The following QTMAN variants were observed in gnomAD, a reference collection of about 807,000 sequenced individuals.
The protein encoded by QTMAN is tRNA-queuosine alpha-mannosyltransferase.
the QTMAN span, among the ~76,000 whole-genome samples, chr2:144,224,656 C>T: frequency 4.6e-5 from 7 of 151,872 alleles, no homozygotes; most frequent in Non-Finnish European, 1.0e-4. Flanking sequence ...GAAGAAGGGG[C>T]GAGGGGATTG....
At chr2:144,002,078 C>A in the QTMAN span, among the ~76,000 whole-genome samples, 1 of 151,874 alleles carries the variant, frequency 6.6e-6, no homozygotes, top group Non-Finnish European at 1.5e-5. Flanking sequence ...CCTGATAGTG[C>A]AAGAACAATG....
At chr2:144,290,187 G>C in the QTMAN span, among the ~76,000 whole-genome samples, 2 of 151,856 alleles carry the variant, frequency 1.3e-5, no homozygotes, top group African/African-American at 4.8e-5. Context: ...TTCTGGCTGG[G>C]GGCTAAGGGG....
At chr2:144,235,371 A>G in the QTMAN span, among the ~76,000 whole-genome samples, 881 of 152,280 alleles carry the variant, frequency 5.8e-3, 5 homozygotes, top group Non-Finnish European at 6.4e-3. Context: ...GCTGACAACC[A>G]AGGAACAATA....
the QTMAN span, among the ~76,000 whole-genome samples, chr2:144,270,117 AG>A: frequency 6.6e-6 from 1 of 152,320 alleles, no homozygotes; most frequent in Admixed American, 6.5e-5. Context: ...ATGTCTATAT[AG>A]TAAAATGTTG....
chr2:144,053,367 AG>A, the QTMAN span, among the ~76,000 whole-genome samples: 1 of 152,234 alleles, frequency 6.6e-6, no homozygotes, highest in Non-Finnish European at 1.5e-5. Flanking sequence ...TTATCTGCAA[AG>A]GGGTAGAGGA....
the QTMAN span, among the ~76,000 whole-genome samples, chr2:144,150,671 T>C: frequency 4.6e-5 from 7 of 152,212 alleles, no homozygotes; most frequent in East Asian, 9.7e-4. Flanking sequence ...GATAACCTAA[T>C]TTCCATGTTC....
chr2:144,298,509 TA>T, the QTMAN span, among the ~76,000 whole-genome samples: 1 of 152,164 alleles, frequency 6.6e-6, no homozygotes, highest in Non-Finnish European at 1.5e-5. Flanking sequence ...CTTGAAATTT[TA>T]CAAAATAAAA....
chr2:144,194,588 C>T, the QTMAN span, among the ~76,000 whole-genome samples: 1 of 152,142 alleles, frequency 6.6e-6, no homozygotes, highest in Non-Finnish European at 1.5e-5. Flanking sequence ...ACAAATACAT[C>T]AGTCGGTAAG....
the QTMAN span, among the ~76,000 whole-genome samples, chr2:144,004,972 AG>A: frequency 2.6e-5 from 4 of 152,042 alleles, no homozygotes; most frequent in Non-Finnish European, 5.9e-5. Context: ...TCTCCAGGCT[AG>A]CAGTGACAGA....
the QTMAN span, among the ~76,000 whole-genome samples, chr2:144,107,340 C>A: frequency 6.6e-6 from 1 of 151,932 alleles, no homozygotes; most frequent in Non-Finnish European, 1.5e-5. Context: ...AAAACATCAA[C>A]AAAATTGATA....
At chr2:144,212,945 A>C in the QTMAN span, among the ~76,000 whole-genome samples, 6 of 152,324 alleles carry the variant, frequency 3.9e-5, no homozygotes, top group East Asian at 1.2e-3. Flanking sequence ...ACCACTTCAA[A>C]TTCTATTTAA....
chr2:143,965,352 G>T, the QTMAN span, among the ~76,000 whole-genome samples: 1 of 152,134 alleles, frequency 6.6e-6, no homozygotes, highest in African/African-American at 2.4e-5. Context: ...AATAAAATCT[G>T]CATAGTAGTT....
chr2:143,986,136 C>T, the QTMAN span, among the ~76,000 whole-genome samples: 1 of 152,056 alleles, frequency 6.6e-6, no homozygotes, highest in Non-Finnish European at 1.5e-5. Context: ...GCCAGGCAGA[C>T]CAATTTTATA....
the QTMAN span, among the ~76,000 whole-genome samples, chr2:143,992,484 T>G: frequency 1.3e-5 from 2 of 150,294 alleles, no homozygotes; most frequent in South Asian, 4.3e-4. Flanking sequence ...TATTGTCCTA[T>G]GACCCTGCCA....
At chr2:144,128,042 A>C in the QTMAN span, 38 of 152,160 alleles carry the variant, frequency 2.5e-4, no homozygotes, top group African/African-American at 9.2e-4. Context: ...TGCTACAGCC[A>C]CCCTGCAATG....
the QTMAN span, among the ~76,000 whole-genome samples, chr2:144,225,869 G>A: frequency 6.6e-6 from 1 of 152,190 alleles, no homozygotes; most frequent in African/African-American, 2.4e-5. Context: ...ATGTGTGTGT[G>A]TGTCTCCCAA....
At chr2:144,118,209 T>TTA in the QTMAN span, among the ~76,000 whole-genome samples, 1 of 152,182 alleles carries the variant, frequency 6.6e-6, no homozygotes, top group African/African-American at 2.4e-5. Context: ...TTGAAATGTG[T>TTA]TATTGTCTTT....
the QTMAN span, among the ~76,000 whole-genome samples, chr2:143,996,920 A>C: frequency 6.6e-6 from 1 of 152,078 alleles, no homozygotes; most frequent in East Asian, 1.9e-4. Flanking sequence ...GATTAGGAAT[A>C]GTTTATATAG....
the QTMAN span, among the ~76,000 whole-genome samples, chr2:144,023,944 C>T: frequency 6.6e-6 from 1 of 152,166 alleles, no homozygotes; most frequent in Non-Finnish European, 1.5e-5. Context: ...ATCATCTGAA[C>T]TGTCAATACA....
Sources: gnomAD v4.1 joint callset for allele counts (sites outside exome capture counted in the v4.1 genomes callset) on GRCh38, gnomAD v4.1.1 for gene constraint, MANE v1.5 for transcripts, NCBI Gene and HGNC (gene_info 2026-07-23, HGNC 2026-07-21) for gene names.